GPR39: variants seen among roughly 807,000 people sequenced by gnomAD.
The protein encoded by GPR39 is zinc sensing receptor.
GPR39 carries 23 observed loss-of-function variants against 18.4 expected under a neutral mutation model. The observed-to-expected ratio is 1.25, with a 90% CI of 0.90 to 1.77. GPR39 has a LOEUF of 1.77. GPR39 is among the 40% of genes most tolerant of loss of function. The pLI is 0.00. For synonymous variants in GPR39, 280 were observed against 257.9 expected, an observed-to-expected ratio of 1.09 and a Z score of -0.82; for missense variants, 647 against 602.4, an observed-to-expected ratio of 1.07 and a Z score of -0.78.
intron 1 of GPR39, among the ~76,000 whole-genome samples, chr2:132,541,963 C>A (rs1054685242): frequency 2.0e-5 from 3 of 152,170 alleles, no homozygotes; most frequent in African/African-American, 4.8e-5. Flanking sequence ...TCATAGATGG[C>A]ATCTTGCTAT....
intron 1 of GPR39, among the ~76,000 whole-genome samples, chr2:132,491,383 A>T (rs1366056414): frequency 6.6e-6 from 1 of 152,090 alleles, no homozygotes; most frequent in South Asian, 2.1e-4. Flanking sequence ...CTTGGGCCTA[A>T]TTCTAATATT....
intron 1 of GPR39, among the ~76,000 whole-genome samples, chr2:132,490,188 G>T (rs1049779571): frequency 2.6e-5 from 4 of 151,908 alleles, no homozygotes; most frequent in African/African-American, 9.7e-5. Flanking sequence ...AGAAATAGAA[G>T]TTTGGAGGGG....
intron 1 of GPR39, among the ~76,000 whole-genome samples, chr2:132,626,478 T>C (rs889102435): frequency 6.6e-6 from 1 of 152,152 alleles, no homozygotes; most frequent in Admixed American, 6.5e-5. Context: ...CAAAAATGTC[T>C]CCCCTGAGGG....
intron 1 of GPR39, among the ~76,000 whole-genome samples, chr2:132,494,564 C>T (rs574662590): frequency 4.6e-5 from 7 of 152,246 alleles, no homozygotes; most frequent in South Asian, 4.2e-4. Context: ...CCTGAGCAGC[C>T]GAATTGTTTT....
chr2:132,603,422 A>C (rs1014265575), intron 1 of GPR39, among the ~76,000 whole-genome samples: 1 of 152,172 alleles, frequency 6.6e-6, no homozygotes, highest in Non-Finnish European at 1.5e-5. Flanking sequence ...ACAAAATTAC[A>C]GCTAGAGAGG....
chr2:132,473,960 G>A (rs193099984), intron 1 of GPR39, among the ~76,000 whole-genome samples: 2 of 152,286 alleles, frequency 1.3e-5, no homozygotes, highest in East Asian at 1.9e-4. Context: ...TAGTTACTAA[G>A]TATCTCTATA....
At chr2:132,483,854 T>C (rs7423710) in intron 1 of GPR39, among the ~76,000 whole-genome samples, 20 of 152,316 alleles carry the variant, frequency 1.3e-4, no homozygotes, top group African/African-American at 4.8e-4. Flanking sequence ...TATTCCTGGG[T>C]ACTTTAGATA....
intron 1 of GPR39, among the ~76,000 whole-genome samples, chr2:132,449,183 A>G (rs1285809190): frequency 1.3e-5 from 2 of 152,210 alleles, no homozygotes; most frequent in South Asian, 2.1e-4. Context: ...TTCCTCCCCA[A>G]CAGAGAATTT....
At chr2:132,451,174 T>C (rs62167409) in intron 1 of GPR39, among the ~76,000 whole-genome samples, 28 of 150,450 alleles carry the variant, frequency 1.9e-4, no homozygotes, top group South Asian at 4.2e-4. Context: ...TGTGTGTGTG[T>C]GCACGCGCGT....
intron 1 of GPR39, among the ~76,000 whole-genome samples, chr2:132,635,242 C>T (rs1036391805): frequency 3.3e-5 from 5 of 152,238 alleles, no homozygotes; most frequent in African/African-American, 1.2e-4. Flanking sequence ...CTGGAACTCT[C>T]TTTCCCTCCT....
intron 1 of GPR39, among the ~76,000 whole-genome samples, chr2:132,549,002 T>C (rs1457663642): frequency 6.6e-6 from 1 of 152,182 alleles, no homozygotes; most frequent in African/African-American, 2.4e-5. Flanking sequence ...GTATATGTAT[T>C]CTTATATTAT....
At chr2:132,565,943 ATT>A (rs1680343178) in intron 1 of GPR39, among the ~76,000 whole-genome samples, 1 of 139,362 alleles carries the variant, frequency 7.2e-6, no homozygotes, top group Non-Finnish European at 1.6e-5. Context: ...GTCAAATGGT[ATT>A]TCTAGTTCTA....
chr2:132,473,107 T>C (rs749167362), intron 1 of GPR39, among the ~76,000 whole-genome samples: 5 of 152,152 alleles, frequency 3.3e-5, no homozygotes, highest in Non-Finnish European at 7.4e-5. Context: ...GGTAAATAAA[T>C]TTGAGCAGTT....
chr2:132,517,990 T>A (rs1380807246), intron 1 of GPR39, among the ~76,000 whole-genome samples: 2 of 152,202 alleles, frequency 1.3e-5, no homozygotes, highest in Admixed American at 1.3e-4. Flanking sequence ...GAATGGTTAA[T>A]TATCATTGCA....
intron 1 of GPR39, among the ~76,000 whole-genome samples, chr2:132,445,182 G>T (rs13424014): frequency 0.021 from 3,198 of 151,986 alleles, 105 homozygotes; most frequent in African/African-American, 0.073. Flanking sequence ...CTACTGCATT[G>T]TTCCAATCAG....
rs2104889983 is a variant in GPR39, at chr2:132,646,272, A to G, written c.*666A>G. ...GCTGATGATGCACAGGACTTGCGGT[A>G]CATGATCCCTGTAACACAGACCCAA... On this transcript the variant is annotated 3_prime_UTR_variant, in exon 2 of 2. Transcript: ENST00000329321. 6.5e-7 allele frequency: 1 copy of G among 1,543,698 alleles called. No individual in the cohort carries two copies. Among genetic ancestry groups the G allele is most frequent in the East Asian group, 2.3e-5 (1 of 43,384 alleles).
chr2:132,501,015 T>G (rs1463790143), intron 1 of GPR39, among the ~76,000 whole-genome samples: 1 of 151,558 alleles, frequency 6.6e-6, no homozygotes, highest in Non-Finnish European at 1.5e-5. Flanking sequence ...TTTACTTATC[T>G]TTTTAAAGAA....
intron 1 of GPR39, among the ~76,000 whole-genome samples, chr2:132,635,602 G>C (rs183092492): frequency 1.3e-5 from 2 of 152,190 alleles, no homozygotes; most frequent in South Asian, 4.1e-4. Flanking sequence ...AAAAAGCAGC[G>C]TGTGCAGAGG....
chr2:132,501,054 G>GTTTTTTTTTTTT (rs55720929), intron 1 of GPR39, among the ~76,000 whole-genome samples: 3 of 90,326 alleles, frequency 3.3e-5, no homozygotes, highest in Non-Finnish European at 6.6e-5. Context: ...TATCTTTTGT[G>GTTTTTTTTTTTT]TTTTTTTTTT....
Sources: allele counts gnomAD v4.1 joint callset (sites outside exome capture counted in the v4.1 genomes callset), GRCh38; gene constraint gnomAD v4.1.1; transcripts MANE v1.5; gene names NCBI Gene and HGNC (gene_info 2026-07-23, HGNC 2026-07-21).